LPCAT1: variants seen among roughly 807,000 people sequenced by gnomAD.
The protein encoded by LPCAT1 is lysophosphatidylcholine acyltransferase 1.
A neutral mutation model predicts 60.9 loss-of-function variants in LPCAT1; 23 were observed. The ratio of observed to expected loss-of-function variants is 0.38; its 90% CI spans 0.27 to 0.53. The LOEUF (loss-of-function observed/expected upper bound fraction) is 0.53. Among genes scored for constraint, LPCAT1 ranks in the 20% least tolerant of loss-of-function variants. The probability of loss-of-function intolerance (pLI) is 0.82; values close to 1 mark genes in which losing one functional copy is unlikely to be tolerated. For missense variants in LPCAT1, 622 were observed against 723.6 expected, an observed-to-expected ratio of 0.86 and a Z score of 1.61; for synonymous variants, 340 against 301.1, an observed-to-expected ratio of 1.13 and a Z score of -1.34.
intron 1 of LPCAT1, among the ~76,000 whole-genome samples, chr5:1,517,240 A>G (rs111476082): frequency 5.3e-5 from 8 of 152,252 alleles, no homozygotes; most frequent in African/African-American, 1.9e-4. Context: ...GGCCATCCTG[A>G]GAACCATAGC....
At chr5:1,464,151 T>A (rs1734227322) in intron 13 of LPCAT1, among the ~76,000 whole-genome samples, 1 of 152,242 alleles carries the variant, frequency 6.6e-6, no homozygotes, top group South Asian at 2.1e-4. Flanking sequence ...TCTGAGGCAC[T>A]GTAACCAGAG....
chr5:1,503,218 G>A (rs1353727977), intron 1 of LPCAT1, among the ~76,000 whole-genome samples: 4 of 152,112 alleles, frequency 2.6e-5, no homozygotes, highest in Non-Finnish European at 4.4e-5. Flanking sequence ...CTGGGTCCCC[G>A]CTTCAGCATC....
intron 12 of LPCAT1, chr5:1,467,109 G>A: frequency 2.4e-6 from 1 of 412,118 alleles, no homozygotes; most frequent in Non-Finnish European, 4.2e-6. Flanking sequence ...TGGACACACA[G>A]CAGATGCTTC....
At chr5:1,516,878 C>A (rs1423553060) in intron 1 of LPCAT1, among the ~76,000 whole-genome samples, 2 of 152,208 alleles carry the variant, frequency 1.3e-5, no homozygotes, top group African/African-American at 2.4e-5. Flanking sequence ...TGGGAGCTGA[C>A]TGTGCTGGAA....
intron 3 of LPCAT1, among the ~76,000 whole-genome samples, chr5:1,491,078 G>T (rs1735560288): frequency 6.6e-6 from 1 of 151,894 alleles, no homozygotes; most frequent in Admixed American, 6.6e-5. Context: ...GCCAAAAAAA[G>T]AAAATTCCTT....
chr5:1,483,329 G>T lies in LPCAT1; in HGVS notation c.726+99C>A, dbSNP rs1735234706. On this transcript the variant is annotated intron_variant, in intron 6 of 13. Transcript: ENST00000283415. The surrounding 1 kb of genome is among the most constrained non-coding windows in gnomAD (Gnocchi z 9.2). Reference sequence around the variant, plus strand: ...AGTGTGGGCTGTGGCGCAGATAAAGGGTGTGGAGAGACAGAGACACAGGTG... The same window carrying T: ...AGTGTGGGCTGTGGCGCAGATAAAGTGTGTGGAGAGACAGAGACACAGGTG... 8.0e-7 allele frequency: 1 copy of T among 1,245,008 alleles called. No homozygotes were observed. Among genetic ancestry groups the T allele is most frequent in the South Asian group, 1.2e-5 (1 of 83,276 alleles). The allele number at this position is 1,245,008 out of a possible 1,614,324, so 77.1% of individuals were successfully genotyped here. A position where few individuals can be genotyped will look rare whatever the true frequency, so the allele number is the denominator to read the frequency against.
Position 1,501,502 on chromosome 5 carries a change from A to G in LPCAT1, c.237T>C (p.Ser79=). 2 of 1,613,798 alleles carry G rather than the reference A, an allele frequency of 1.2e-6. No individual in the cohort carries two copies. Among genetic ancestry groups the G allele is most frequent in the Non-Finnish European group, 1.7e-6 (2 of 1,179,878 alleles). Residue 79 remains serine (S), a synonymous_variant, in exon 2 of 14, where the codon TCT becomes TCC. Coordinates refer to ENST00000283415, the MANE Select transcript of LPCAT1 (RefSeq NM_024830.5). ...GGGGCTGCTCGGGTTCCTTCTCCGC[A>G]GAGCCCAGGGATGCGACAAGTGCGA... is the stretch of plus-strand genomic sequence containing the variant. ...WPLALVASLG[S]AEKEPEQPPA...
intron 1 of LPCAT1, 126 bp from the exon 2 acceptor site, chr5:1,501,729 C>T: frequency 1.0e-6 from 1 of 969,992 alleles, no homozygotes; most frequent in East Asian, 2.6e-5. Context: ...GGGGCTGCAG[C>T]TGGCACACAG....
At chr5:1,510,066 G>A (rs1736309604) in intron 1 of LPCAT1, among the ~76,000 whole-genome samples, 1 of 152,008 alleles carries the variant, frequency 6.6e-6, no homozygotes, top group Non-Finnish European at 1.5e-5. Flanking sequence ...TACATCTTGT[G>A]CCAAATTTAT....
At position 1,522,459 on chromosome 5, in the gene LPCAT1, G is replaced by A. The variant is rs538230856; in HGVS notation, c.135+1251C>T. On this transcript the variant is annotated intron_variant, in intron 1 of 13. Coordinates refer to ENST00000283415, the MANE Select transcript of LPCAT1 (RefSeq NM_024830.5). This position sits in a 1 kb window ranked among gnomAD's most constrained non-coding sequence, Gnocchi z 6.8. Reference sequence around the variant, plus strand: ...CAGCTCCCGACACACAGGGAGACGGGGGCCAGGGCCTGGGAGCCAGGCTGG... The same window carrying A: ...CAGCTCCCGACACACAGGGAGACGGAGGCCAGGGCCTGGGAGCCAGGCTGG... Among the ~76,000 whole-genome samples the A allele has an allele frequency of 1.1e-4, 16 of 152,204 alleles. No homozygotes were observed. The highest frequency in any genetic ancestry group is 1.8e-4 in the Non-Finnish European group (12 of 67,988).
chr5:1,474,969 G>A (rs1734841410), intron 9 of LPCAT1, among the ~76,000 whole-genome samples: 1 of 152,250 alleles, frequency 6.6e-6, no homozygotes, highest in African/African-American at 2.4e-5. Flanking sequence ...ACCAACATGT[G>A]ACGTGGAGAC....
rs574845519 is a variant in LPCAT1 at position 1,496,555 on chromosome 5, G to C, written c.279-1641C>G. Among the ~76,000 whole-genome samples, 1 of 152,228 alleles carries C rather than the reference G, an allele frequency of 6.6e-6. No individual in the cohort carries two copies. Among genetic ancestry groups the C allele is most frequent in the African/African-American group, 2.4e-5 (1 of 41,532 alleles). The stretch of plus-strand genomic sequence containing the variant: ...CGGGCACAGGAGCCAGTCTCGGGCA[G>C]GTTCAGGGGCAGGAGAGAGGACAGC... On this transcript the variant is annotated intron_variant, in intron 2 of 13. Transcript: ENST00000283415. This position sits in a 1 kb window ranked among gnomAD's most constrained non-coding sequence, Gnocchi z 4.7.
chr5:1,465,571 ACAC>A (rs1037630394), intron 13 of LPCAT1, among the ~76,000 whole-genome samples: 1 of 149,044 alleles, frequency 6.7e-6, no homozygotes, highest in Non-Finnish European at 1.5e-5. Flanking sequence ...CCATGCACAC[ACAC>A]AAGTGCACGC....
intron 5 of LPCAT1, among the ~76,000 whole-genome samples, chr5:1,486,765 C>T (rs1359647205): frequency 2.0e-5 from 3 of 152,172 alleles, no homozygotes; most frequent in Non-Finnish European, 4.4e-5. Flanking sequence ...TGAGAGATTC[C>T]GAACACGTGA....
chr5:1,505,947 G>A (rs907166316), intron 1 of LPCAT1, among the ~76,000 whole-genome samples: 1 of 152,276 alleles, frequency 6.6e-6, no homozygotes. Context: ...AGAAGACTGC[G>A]TGACCATGTG....
At chr5:1,482,130 C>G (rs553977082) in intron 6 of LPCAT1, among the ~76,000 whole-genome samples, 1 of 147,814 alleles carries the variant, frequency 6.8e-6, no homozygotes, top group South Asian at 2.1e-4. Context: ...GAGCCCAGCA[C>G]CAGTGGGCTG....
At position 1,501,525 on chromosome 5, in the gene LPCAT1, C is replaced by A; in HGVS notation, c.214G>T (p.Ala72Ser). The change falls in exon 2 of 14, where the codon GCA (alanine) becomes TCA (serine). Residue 72 changes from alanine to serine, a missense_variant. Transcript: ENST00000283415. The stretch of plus-strand genomic sequence containing the variant: ...GCAGAGCCCAGGGATGCGACAAGTG[C>A]GAGGGGCCAGGCCAGCAGCATCATG... ...AAMMLLAWPL[A>S]LVASLGSAEK... is the part of the protein sequence containing the mutation. 1 of 1,613,936 alleles carries A rather than the reference C, an allele frequency of 6.2e-7. No individual in the cohort carries two copies.
chr5:1,510,517 T>C (rs533942294), intron 1 of LPCAT1, among the ~76,000 whole-genome samples: 55 of 152,158 alleles, frequency 3.6e-4, no homozygotes, highest in Non-Finnish European at 6.9e-4. Context: ...GACCACTCCA[T>C]TTACCATTTT....
rs895963378 is a variant in LPCAT1 at position 1,466,946 on chromosome 5, G to A, written c.1279-56C>T. 16 of 1,455,724 alleles carry A rather than the reference G, an allele frequency of 1.1e-5. No individual in the cohort carries two copies. The Admixed American group carries it at 2.0e-4, about 18-fold the overall frequency. 90.2% of individuals were successfully genotyped at this position (1,455,724 alleles called of 1,614,324 possible). On this transcript the variant is annotated intron_variant, in intron 12 of 13. Coordinates refer to ENST00000283415, the MANE Select transcript of LPCAT1 (RefSeq NM_024830.5). Reference sequence around the variant, plus strand: ...CCTCCTCCCCTGCCCACCAGGCCCCGCTGTCCAGGGACACCCCAGCGGCCC... The same window carrying A: ...CCTCCTCCCCTGCCCACCAGGCCCCACTGTCCAGGGACACCCCAGCGGCCC...
Sources: gnomAD v4.1 joint callset for allele counts (sites outside exome capture counted in the v4.1 genomes callset) on GRCh38, gnomAD v4.1.1 for gene constraint, Gnocchi (gnomAD v3.1) non-coding constraint, MANE v1.5 for transcripts, NCBI Gene and HGNC (gene_info 2026-07-23, HGNC 2026-07-21) for gene names.